Variants in FYB2 observed in about 807,000 individuals in gnomAD.
The protein encoded by FYB2 is FYN-binding protein 2.
FYB2 carries 103 observed loss-of-function variants against 94.1 expected under a neutral mutation model. The ratio of observed to expected loss-of-function variants is 1.09; its 90% CI spans 0.93 to 1.29. FYB2 has a LOEUF of 1.29. FYB2 is among the 50% of genes most tolerant of loss of function. FYB2 has a pLI of 0.00. For synonymous variants in FYB2, 293 were observed against 287.9 expected, an observed-to-expected ratio of 1.02 and a Z score of -0.18; for missense variants, 896 against 841.5, an observed-to-expected ratio of 1.06 and a Z score of -0.80.
chr1:56,758,559 A>G (rs1335500832), intron 6 of FYB2, among the ~76,000 whole-genome samples, 157 bp downstream of exon 6: 2 of 152,164 alleles, frequency 1.3e-5, no homozygotes, highest in Non-Finnish European at 2.9e-5. Context: ...CAGGGCTCAA[A>G]GTGCAGACTC....
chr1:56,802,579 TC>T (rs1646547004), intron 1 of FYB2, among the ~76,000 whole-genome samples: 1 of 152,154 alleles, frequency 6.6e-6, no homozygotes, highest in African/African-American at 2.4e-5. Context: ...CATTGTATTT[TC>T]AGATTGGAGC....
At chr1:56,788,033 C>A (rs7517231) in intron 3 of FYB2, among the ~76,000 whole-genome samples, 125,878 of 152,104 alleles carry the variant, frequency 0.83, 52,276 homozygotes, top group Non-Finnish European at 0.87. Flanking sequence ...GACCAGCAGC[C>A]TCAGCAACCT....
chr1:56,751,144 T>A lies in FYB2; in HGVS notation c.1287A>T (p.Arg429Ser). 1 of 1,612,824 alleles carries A rather than the reference T, an allele frequency of 6.2e-7. No homozygotes were observed. The highest frequency in any genetic ancestry group is 8.5e-7 in the Non-Finnish European group (1 of 1,179,240). The change falls in exon 9 of 20, where the codon AGA becomes AGT. Residue 429 changes from arginine (R) to serine (S), a missense_variant. Physicochemically the swap from Arg to Ser is moderately radical, Grantham distance 110. Transcript: ENST00000343433. The part of the protein sequence containing the change: ...KIQMTNVHTG[R>S]RNMLAGKQEA... ...CTTGCTTTCCAGCCAACATGTTCCT[T>A]CTACCTGTGTGGACGTTGGTCATCT... is the stretch of plus-strand genomic sequence containing the variant.
At chr1:56,825,646 A>C in the FYB2 span, among the ~76,000 whole-genome samples, 5 of 152,188 alleles carry the variant, frequency 3.3e-5, no homozygotes, top group African/African-American at 1.2e-4. Flanking sequence ...TGAAAAAAAT[A>C]GGGAATACAA....
rs1377467843 is a variant in FYB2, at chr1:56,792,179, C to A, written c.634G>T (p.Asp212Tyr). ...TGTTGAGAAATTACAAAAGAGGGAT[C>A]TTCAGAGACGTTATGTAATATTTTG... ...APKILHNVSE[D>Y]PSFVISQHIR... Residue 212 changes from aspartate to tyrosine, a missense_variant, in exon 2 of 20, where the codon GAT becomes TAT. Transcript: ENST00000343433. 1 of 1,613,924 alleles carries A rather than the reference C, an allele frequency of 6.2e-7. No homozygotes were observed. The highest frequency in any genetic ancestry group is 1.3e-5 in the African/African-American group (1 of 74,892).
In FYB2 at chr1:56,740,764, G is replaced by A. The variant is rs781280574; in HGVS notation, c.1636C>T (p.Gln546Ter). Residue 546 changes from glutamine (Q) to a stop codon, truncating the protein, a stop_gained, in exon 13 of 20, where the codon CAG (glutamine) becomes TAG (stop). Coordinates refer to ENST00000343433, the MANE Select transcript of FYB2 (RefSeq NM_001004303.5). LOFTEE classifies it high-confidence loss of function. ...LDGKEALKRL[Q>*]QFFKKEKDRF... The stretch of plus-strand genomic sequence containing the variant: ...TCCTTTTCTTTCTTGAAGAATTGCT[G>A]CAGTCTTTTGAGTGCTTCTTTTCCA... The A allele has an allele frequency of 3.7e-6, 6 of 1,607,168 alleles. No individual in the cohort carries two copies. In the South Asian group the frequency reaches 6.7e-5, roughly 18 times the overall value.
upstream of FYB2, chr1:56,819,548 T>G: frequency 1.7e-6 from 1 of 582,516 alleles, no homozygotes; most frequent in Non-Finnish European, 3.1e-6. Context: ...GTACTCCACC[T>G]GCAGTCCTGC....
At chr1:56,821,249 C>T (rs778812587), upstream of FYB2, among the ~76,000 whole-genome samples, 11 of 152,202 alleles carry the variant, frequency 7.2e-5, no homozygotes, top group Non-Finnish European at 1.2e-4. Flanking sequence ...CCTACACTGG[C>T]AGAGTGGGTG....
chr1:56,750,037 G>T (rs1396611568), intron 9 of FYB2, among the ~76,000 whole-genome samples: 8 of 151,648 alleles, frequency 5.3e-5, no homozygotes, highest in Non-Finnish European at 1.0e-4. Flanking sequence ...AATTAAATTG[G>T]GTTTCTCCTG....
intron 7 of FYB2, among the ~76,000 whole-genome samples, chr1:56,754,400 C>A (rs914108471): frequency 6.6e-6 from 1 of 152,018 alleles, no homozygotes; most frequent in Non-Finnish European, 1.5e-5. Flanking sequence ...ATAGCTAAAT[C>A]ATCTTACCTC....
At chr1:56,820,226 C>CAA (rs112651204), upstream of FYB2, among the ~76,000 whole-genome samples, 1,324 of 122,610 alleles carry the variant, frequency 0.011, 24 homozygotes, top group African/African-American at 0.028. Context: ...GACTCCGTCT[C>CAA]AAAAAAAAAA....
intron 1 of FYB2, among the ~76,000 whole-genome samples, chr1:56,801,440 T>G (rs1646517204): frequency 6.6e-6 from 1 of 152,162 alleles, no homozygotes; most frequent in South Asian, 2.1e-4. Flanking sequence ...CCCAGCTCAC[T>G]CCTCTCTATT....
intron 14 of FYB2, 173 bp from the exon 15 acceptor site, chr1:56,737,320 C>A: frequency 4.5e-6 from 2 of 442,734 alleles, no homozygotes; most frequent in Non-Finnish European, 3.9e-6. Context: ...TAAAAATATT[C>A]TCTATTTGGG....
At chr1:56,747,731 G>A (rs773771313) in intron 9 of FYB2, among the ~76,000 whole-genome samples, 19 of 152,176 alleles carry the variant, frequency 1.2e-4, no homozygotes, top group Non-Finnish European at 2.4e-4. Flanking sequence ...TATCTTTATA[G>A]TAGAATTATT....
intron 15 of FYB2, among the ~76,000 whole-genome samples, chr1:56,731,557 C>T (rs1644710900): frequency 2.0e-5 from 3 of 152,018 alleles, no homozygotes; most frequent in South Asian, 4.1e-4. Context: ...GATTTCAGCT[C>T]AGCTCATGAA....
At chr1:56,723,249 A>C (rs1644521845) in intron 17 of FYB2, among the ~76,000 whole-genome samples, 1 of 151,768 alleles carries the variant, frequency 6.6e-6, no homozygotes, top group South Asian at 2.1e-4. Flanking sequence ...AAATGCTTTA[A>C]TACAACTAAT....
chr1:56,794,279 T>C (rs1262772343), intron 1 of FYB2, among the ~76,000 whole-genome samples: 1 of 152,200 alleles, frequency 6.6e-6, no homozygotes, highest in African/African-American at 2.4e-5. Flanking sequence ...GCTTACCTCC[T>C]GCTCCATGCT....
intron 15 of FYB2, among the ~76,000 whole-genome samples, chr1:56,733,860 G>C (rs545338222): frequency 6.6e-6 from 1 of 152,110 alleles, no homozygotes; most frequent in South Asian, 2.1e-4. Flanking sequence ...GAATAAGTGC[G>C]ATGTGGTGCT....
intron 1 of FYB2, among the ~76,000 whole-genome samples, chr1:56,795,547 G>A (rs1646377255): frequency 6.6e-6 from 1 of 151,972 alleles, no homozygotes; most frequent in African/African-American, 2.4e-5. Context: ...TTTTTGAGGA[G>A]CCTCCCTTCT....
Sources: allele counts gnomAD v4.1 joint callset (sites outside exome capture counted in the v4.1 genomes callset), GRCh38; gene constraint gnomAD v4.1.1; transcripts MANE v1.5; gene names NCBI Gene and HGNC (gene_info 2026-07-23, HGNC 2026-07-21).